The following DACH1 variants were observed in gnomAD, a reference collection of about 807,000 sequenced individuals.
DACH1 encodes dachshund homolog 1.
DACH1 carries 12 observed loss-of-function variants against 54.2 expected under a neutral mutation model. The observed-to-expected ratio is 0.22, with a 90% confidence interval of 0.14 to 0.36. The LOEUF (loss-of-function observed/expected upper bound fraction) is 0.36. Ranked by LOEUF, DACH1 falls within the 10% of genes least tolerant of loss-of-function variation. The pLI is 1.00. For missense variants in DACH1, 805 were observed against 929.8 expected (o/e 0.87, Z 1.75); for synonymous variants, 386 against 366.2 (o/e 1.05, Z -0.62).
At chr13:71,725,425 T>C (rs1177287383) in intron 1 of DACH1, among the ~76,000 whole-genome samples, 4 of 152,088 alleles carry the variant, frequency 2.6e-5, no homozygotes, top group Admixed American at 2.0e-4. Flanking sequence ...TCTGAGTGCA[T>C]TGTGGTATCT....
At chr13:71,522,294 T>C (rs367700318) in intron 6 of DACH1, among the ~76,000 whole-genome samples, 14 of 152,158 alleles carry the variant, frequency 9.2e-5, no homozygotes, top group African/African-American at 3.4e-4. Context: ...TCCCTCCACA[T>C]TGAGATTCAG....
At chr13:71,552,836 TATATATAGAG>T (rs1322904341) in intron 6 of DACH1, among the ~76,000 whole-genome samples, 42 of 27,120 alleles carry the variant, frequency 1.5e-3, no homozygotes, top group Non-Finnish European at 2.0e-3. Flanking sequence ...TATATATATA[TATATATAGAG>T]AGAGAGAGAG....
At chr13:71,792,711 C>T (rs1245263032) in intron 1 of DACH1, among the ~76,000 whole-genome samples, 2 of 152,156 alleles carry the variant, frequency 1.3e-5, no homozygotes, top group Non-Finnish European at 2.9e-5. Context: ...GGCATATACT[C>T]TTAGTGGTGG....
At chr13:71,813,313 T>C (rs570690143) in intron 1 of DACH1, among the ~76,000 whole-genome samples, 1 of 152,330 alleles carries the variant, frequency 6.6e-6, no homozygotes, top group South Asian at 2.1e-4. Context: ...GATACTATTC[T>C]ATGTTTAGGA....
chr13:71,734,184 CCCATATACGTATA>C (rs1213735348), intron 1 of DACH1, among the ~76,000 whole-genome samples: 3 of 77,490 alleles, frequency 3.9e-5, no homozygotes, highest in African/African-American at 6.1e-5. Flanking sequence ...ATATGTATAT[CCCATATACGTATA>C]CCCATATATA....
intron 1 of DACH1, among the ~76,000 whole-genome samples, chr13:71,704,910 T>G (rs1882357718): frequency 6.6e-6 from 1 of 152,152 alleles, no homozygotes; most frequent in African/African-American, 2.4e-5. Flanking sequence ...ATATTTGTAC[T>G]GGTTTGAAGG....
intron 2 of DACH1, among the ~76,000 whole-genome samples, chr13:71,658,069 A>C (rs1193379368): frequency 6.6e-6 from 1 of 152,208 alleles, no homozygotes; most frequent in African/African-American, 2.4e-5. Context: ...TCTGAACCAT[A>C]ACTCTGTAGT....
At chr13:71,447,604 C>T (rs1487648023) in intron 10 of DACH1, among the ~76,000 whole-genome samples, 2 of 151,920 alleles carry the variant, frequency 1.3e-5, no homozygotes, top group East Asian at 1.9e-4. Context: ...GAGGCTGAGG[C>T]GGGTGGATCA....
At chr13:71,713,593 T>C (rs1882831105) in intron 1 of DACH1, among the ~76,000 whole-genome samples, 3 of 152,142 alleles carry the variant, frequency 2.0e-5, no homozygotes, top group Non-Finnish European at 4.4e-5. Context: ...TCTTAAAAGG[T>C]AACACTGTAT....
In DACH1 at chr13:71,866,542, G is replaced by A. The variant is rs1184140301; in HGVS notation, c.228C>T (p.Gly76=). ...AAATVTSTGG[G]GGGGGSGGGG... is the part of the protein sequence containing the mutation. ...CGCCTCCGCTGCCGCCGCCGCCGCC[G>A]CCGCCGCCGGTAGAGGTGACTGTGG... Residue 76 remains glycine (G), a synonymous_variant, in exon 1 of 11, where the codon GGC becomes GGT. Transcript: ENST00000613252. The A allele has an allele frequency of 8.0e-7, 1 of 1,249,416 alleles. No homozygotes were observed. Among genetic ancestry groups the A allele is most frequent in the Admixed American group, 4.2e-5 (1 of 23,588 alleles). The allele number at this position is 1,249,416 out of a possible 1,614,324, so 77.4% of individuals were successfully genotyped here.
At chr13:71,666,860 TA>T (rs1395802514) in intron 2 of DACH1, among the ~76,000 whole-genome samples, 1 of 152,068 alleles carries the variant, frequency 6.6e-6, no homozygotes, top group Non-Finnish European at 1.5e-5. Flanking sequence ...TGTGTGCCTG[TA>T]ATCTCAGCTA....
chr13:71,491,480 G>A (rs1342767801), intron 6 of DACH1, among the ~76,000 whole-genome samples: 1 of 152,078 alleles, frequency 6.6e-6, no homozygotes, highest in East Asian at 1.9e-4. Flanking sequence ...TATGAGAATA[G>A]GCTATTATTT....
intron 3 of DACH1, among the ~76,000 whole-genome samples, chr13:71,582,138 CAAAT>C (rs1310028240): frequency 6.6e-6 from 1 of 152,046 alleles, no homozygotes; most frequent in Non-Finnish European, 1.5e-5. Flanking sequence ...GAATAAGTCT[CAAAT>C]AAACCAAATT....
intron 6 of DACH1, among the ~76,000 whole-genome samples, chr13:71,516,462 T>C (rs571602836): frequency 6.6e-6 from 1 of 152,060 alleles, no homozygotes; most frequent in Non-Finnish European, 1.5e-5. Flanking sequence ...CAAGATCACG[T>C]ACCTGTATTT....
intron 1 of DACH1, among the ~76,000 whole-genome samples, chr13:71,688,866 A>G (rs1446931740): frequency 6.6e-6 from 1 of 152,256 alleles, no homozygotes. Flanking sequence ...TTCTGTGTTC[A>G]AATTAAACTA....
At chr13:71,470,532 T>C (rs1256254951) in intron 10 of DACH1, among the ~76,000 whole-genome samples, 1 of 152,080 alleles carries the variant, frequency 6.6e-6, no homozygotes, top group African/African-American at 2.4e-5. Flanking sequence ...TTTCACTATG[T>C]TGGCCAGGCT....
In DACH1 at chr13:71,505,564, T is replaced by C. The variant is rs564537192; in HGVS notation, c.1571-16416A>G. Among the ~76,000 whole-genome samples, 10 of 152,286 alleles carry C rather than the reference T, an allele frequency of 6.6e-5. No homozygotes were observed. The South Asian group carries it at 1.4e-3, about 22-fold the overall frequency. ...ACATACACTTAGTTACATAAGTACATAGGTACATATAGGTATATCATATGT... is the reference window on the plus strand; with the variant it reads ...ACATACACTTAGTTACATAAGTACACAGGTACATATAGGTATATCATATGT... On this transcript the variant is annotated intron_variant, in intron 6 of 10. Coordinates refer to ENST00000613252, the MANE Select transcript of DACH1 (RefSeq NM_080759.6).
intron 3 of DACH1, among the ~76,000 whole-genome samples, chr13:71,629,108 A>T (rs2138565007): frequency 6.6e-6 from 1 of 152,256 alleles, no homozygotes; most frequent in East Asian, 1.9e-4. Flanking sequence ...TTTACTTTAA[A>T]GTAATAGTTC....
At chr13:71,501,234 G>A (rs1318896642) in intron 6 of DACH1, among the ~76,000 whole-genome samples, 1 of 152,114 alleles carries the variant, frequency 6.6e-6, no homozygotes, top group African/African-American at 2.4e-5. Context: ...TGTAACACGA[G>A]GCTGCAGACA....
Sources: allele counts gnomAD v4.1 joint callset (sites outside exome capture counted in the v4.1 genomes callset), GRCh38; gene constraint gnomAD v4.1.1; transcripts MANE v1.5; gene names NCBI Gene and HGNC (gene_info 2026-07-23, HGNC 2026-07-21).